MEF2D: variants seen among roughly 807,000 people sequenced by gnomAD.
The protein encoded by MEF2D is myocyte enhancer factor 2D, also known as myocyte-specific enhancer factor 2D.
A neutral mutation model predicts 59.3 loss-of-function variants in MEF2D; 10 were observed. The observed-to-expected ratio is 0.17, with a 90% confidence interval of 0.10 to 0.29. MEF2D has a LOEUF of 0.29. Ranked by LOEUF, MEF2D falls within the 10% of genes least tolerant of loss-of-function variation. MEF2D has a pLI of 1.00. For synonymous variants in MEF2D, 305 were observed against 295.0 expected, an observed-to-expected ratio of 1.03 and a Z score of -0.35; for missense variants, 508 against 699.4, an observed-to-expected ratio of 0.73 and a Z score of 3.09.
chr1:156,481,690 A>G (rs1672027252), intron 3 of MEF2D, among the ~76,000 whole-genome samples: 1 of 152,222 alleles, frequency 6.6e-6, no homozygotes, highest in Non-Finnish European at 1.5e-5. Flanking sequence ...CTCTAACATA[A>G]AAATAAGGGA....
chr1:156,493,378 C>A (rs1432335653), intron 1 of MEF2D, among the ~76,000 whole-genome samples: 2 of 152,194 alleles, frequency 1.3e-5, no homozygotes, highest in African/African-American at 2.4e-5. Context: ...CCGTTCAGGG[C>A]AATAGCTGGG....
chr1:156,479,168 T>A, intron 6 of MEF2D, 122 bp downstream of exon 6: 1 of 737,764 alleles, frequency 1.4e-6, no homozygotes, highest in Non-Finnish European at 2.1e-6. Context: ...TGACTCTTCA[T>A]CCAGTCCTGG....
At chr1:156,489,298 A>C (rs1354026373) in intron 1 of MEF2D, among the ~76,000 whole-genome samples, 1 of 151,900 alleles carries the variant, frequency 6.6e-6, no homozygotes, top group Non-Finnish European at 1.5e-5. Flanking sequence ...GCGCTGGGGG[A>C]GGGGGTGACA....
At chr1:156,467,796 G>A in intron 11 of MEF2D, 140 bp from the exon 12 acceptor site, 1 of 1,076,044 alleles carries the variant, frequency 9.3e-7, no homozygotes, top group Non-Finnish European at 1.3e-6. Flanking sequence ...TCGAGCAGAA[G>A]GACTGATGCT....
At chr1:156,498,397 C>T (rs1049479303) in intron 1 of MEF2D, among the ~76,000 whole-genome samples, 7 of 152,152 alleles carry the variant, frequency 4.6e-5, no homozygotes, top group Admixed American at 3.9e-4. Context: ...CTCTCTGGGT[C>T]CTGCTTCTTC....
chr1:156,470,477 G>A (rs1021424289), intron 9 of MEF2D, among the ~76,000 whole-genome samples: 2 of 152,006 alleles, frequency 1.3e-5, no homozygotes, highest in African/African-American at 2.4e-5. Flanking sequence ...GCTGTACTGT[G>A]GTAGTGGGAG....
intron 1 of MEF2D, among the ~76,000 whole-genome samples, chr1:156,497,056 C>A (rs1673172321): frequency 6.6e-6 from 1 of 152,206 alleles, no homozygotes; most frequent in Non-Finnish European, 1.5e-5. Flanking sequence ...TTAGAGCCAT[C>A]TCTCTCCCCC....
At chr1:156,471,424 C>G (rs943582883) in intron 9 of MEF2D, among the ~76,000 whole-genome samples, 1 of 152,198 alleles carries the variant, frequency 6.6e-6, no homozygotes, top group African/African-American at 2.4e-5. Context: ...CCACCGCGCC[C>G]GGCCAGAATC....
chr1:156,482,942 T>G (rs6666307), intron 2 of MEF2D, among the ~76,000 whole-genome samples: 5 of 152,270 alleles, frequency 3.3e-5, no homozygotes, highest in African/African-American at 1.2e-4. Flanking sequence ...AGGGAGAGGA[T>G]TCCTGTTGGG....
At position 156,483,932 on chromosome 1, in the gene MEF2D, A is replaced by G. The variant is rs539001138; in HGVS notation, c.-138-502T>C. On this transcript the variant is annotated intron_variant, in intron 1 of 11. Coordinates refer to ENST00000348159, the MANE Select transcript of MEF2D (RefSeq NM_005920.4). ...TGCCCCTGGCTCAAGAACATACCAG[A>G]GCAGGTCTAGAGCAGTGGGCCTCAT... is the stretch of plus-strand genomic sequence containing the variant. Among the ~76,000 whole-genome samples the G allele has an allele frequency of 3.0e-3, 456 of 152,324 alleles. 2 individuals carry two copies. The highest frequency in any genetic ancestry group is 0.01 in the African/African-American group (436 of 41,570).
At chr1:156,499,977 C>A (rs911136633) in intron 1 of MEF2D, among the ~76,000 whole-genome samples, 43 of 151,998 alleles carry the variant, frequency 2.8e-4, no homozygotes, top group African/African-American at 1.0e-3. Context: ...CAAACAGCTG[C>A]GGCTCCCCCC....
At chr1:156,496,571 C>T (rs1241598357) in intron 1 of MEF2D, among the ~76,000 whole-genome samples, 2 of 152,178 alleles carry the variant, frequency 1.3e-5, no homozygotes, top group African/African-American at 2.4e-5. Context: ...CCTCCTGCTC[C>T]AGTCAGCCCT....
Position 156,475,090 on chromosome 1 carries a change from T to C in MEF2D, c.1006+18A>G. The stretch of plus-strand genomic sequence containing the variant: ...CCAAGCCCAAGTGCACACATGCACA[T>C]GTCACATGAACACTCACCTGTGTTG... On this transcript the variant is annotated intron_variant, in intron 9 of 11. Transcript: ENST00000348159. 2 of 1,614,078 alleles carry C rather than the reference T, an allele frequency of 1.2e-6. No individual in the cohort carries two copies. The highest frequency in any genetic ancestry group is 2.7e-5 in the African/African-American group (2 of 75,076).
chr1:156,498,990 G>C (rs900978303), intron 1 of MEF2D, among the ~76,000 whole-genome samples: 4 of 152,184 alleles, frequency 2.6e-5, no homozygotes, highest in African/African-American at 9.7e-5. Context: ...GGCCACAAGC[G>C]GGTGGACATC....
intron 3 of MEF2D, 94 bp from the exon 4 acceptor site, chr1:156,481,065 T>A: frequency 6.5e-7 from 1 of 1,548,336 alleles, no homozygotes; most frequent in Non-Finnish European, 8.8e-7. Context: ...CCCCCTACTC[T>A]TCCCCGACCT....
rs760987737 is a variant in MEF2D at position 156,480,841 on chromosome 1, C to T, written c.389G>A (p.Arg130His). The T allele has an allele frequency of 1.9e-6, 3 of 1,593,760 alleles. No individual in the cohort carries two copies. In the South Asian group the frequency reaches 3.4e-5, roughly 18 times the overall value. ...AGAGTGAGTGGGGCTCACCCCATAG[C>T]GCCGGAAGAGCCCGTCGAGCTCCTC... ...ASEELDGLFR[R>H]YGSTVPAPNF... The change falls in exon 4 of 12, where the codon CGC becomes CAC. Residue 130 changes from arginine to histidine, a missense_variant. By Grantham distance (29) the Arg-to-His change is conservative (BLOSUM62 0). This residue lies in a region of MEF2D where 481 missense variants were observed against 584.7 expected (regional missense o/e 0.82). Transcript: ENST00000348159.
At chr1:156,497,882 G>C (rs1249116057) in intron 1 of MEF2D, among the ~76,000 whole-genome samples, 2 of 151,926 alleles carry the variant, frequency 1.3e-5, no homozygotes, top group African/African-American at 4.8e-5. Context: ...GGGGGTATAA[G>C]AGCCAGGGAC....
At chr1:156,473,082 A>G (rs1671339048) in intron 9 of MEF2D, among the ~76,000 whole-genome samples, 1 of 151,146 alleles carries the variant, frequency 6.6e-6, no homozygotes, top group Non-Finnish European at 1.5e-5. Context: ...CAGTGGTGCA[A>G]TCTCGGCTCA....
At chr1:156,483,213 T>G in intron 2 of MEF2D, 26 bp downstream of exon 2, 2 of 1,613,734 alleles carry the variant, frequency 1.2e-6, no homozygotes, top group Non-Finnish European at 1.7e-6. Context: ...CCTCACCCAC[T>G]TCGTACGGCT....
Sources: allele counts gnomAD v4.1 joint callset (sites outside exome capture counted in the v4.1 genomes callset), GRCh38; gene constraint gnomAD v4.1.1; regional missense constraint gnomAD v4.1.1; transcripts MANE v1.5; gene names NCBI Gene and HGNC (gene_info 2026-07-23, HGNC 2026-07-21).